The following KIF1A variants were observed in gnomAD, a reference collection of about 807,000 sequenced individuals.
KIF1A encodes kinesin family member 1A.
A neutral mutation model predicts 227.3 loss-of-function variants in KIF1A; 46 were observed. The ratio of observed to expected loss-of-function variants is 0.20; its 90% CI spans 0.16 to 0.26. KIF1A has a LOEUF of 0.26. KIF1A is among the 10% of genes least tolerant of loss of function. The pLI is 1.00. For missense variants in KIF1A, 1,683 were observed against 2,485.9 expected (o/e 0.68, Z 6.87); for synonymous variants, 1,022 against 1,012.8 (o/e 1.01, Z -0.17).
In KIF1A at chr2:240,740,452, C is replaced by G. The variant is rs1342755169; in HGVS notation, c.3750-88G>C. ...AGGACACAGTGGACGGGAGCAAAAA[C>G]AGGGAAAAGTCAGCAGCTCCCTCTG... On this transcript the variant is annotated intron_variant, in intron 35 of 48. Coordinates refer to ENST00000498729, the MANE Select transcript of KIF1A (RefSeq NM_001244008.2). The surrounding 1 kb of genome is among the most constrained non-coding windows in gnomAD (Gnocchi z 6.1). 8.9e-7 allele frequency: 1 copy of G among 1,122,334 alleles called. No individual in the cohort carries two copies. Among genetic ancestry groups the G allele is most frequent in the East Asian group, 2.4e-5 (1 of 42,108 alleles). 69.5% of individuals were successfully genotyped at this position (1,122,334 alleles called of 1,614,324 possible).
At chr2:240,742,886 G>C in intron 34 of KIF1A, 43 bp downstream of exon 34, 1 of 1,554,524 alleles carries the variant, frequency 6.4e-7, no homozygotes, top group Middle Eastern at 1.7e-4. Flanking sequence ...CCCACAGTGA[G>C]GGGAGCTCAC....
Position 240,771,100 on chromosome 2 carries a change from G to A in KIF1A, c.1212C>T (p.Thr404=). 1 of 1,613,534 alleles carries A rather than the reference G, an allele frequency of 6.2e-7. No individual in the cohort carries two copies. The change falls in exon 15 of 49, where the codon ACC becomes ACT. Residue 404 remains threonine (T), a synonymous_variant. Coordinates refer to ENST00000498729, the MANE Select transcript of KIF1A (RefSeq NM_001244008.2). ...AGGGGCTCATACCCACCAGGGCATT[G>A]GTCACTGTGGAGAGAGGGTCAGGGG... is the stretch of plus-strand genomic sequence containing the variant. ...TNTVPGGPKL[T]NALVGMSPSS...
At chr2:240,743,889 G>A (rs2048288357) in intron 33 of KIF1A, 53 bp downstream of exon 33, 1 of 1,192,988 alleles carries the variant, frequency 8.4e-7, no homozygotes, top group South Asian at 1.3e-5. Flanking sequence ...GAAAAGATCT[G>A]GGCAGGGGCT....
chr2:240,721,728 T>A (rs1049489913), intron 44 of KIF1A, 79 bp downstream of exon 44: 25 of 1,149,210 alleles, frequency 2.2e-5, no homozygotes, highest in East Asian at 1.7e-4. Flanking sequence ...CCACTTGGAA[T>A]GGGAGTTTTC....
At position 240,792,118 on chromosome 2, in the gene KIF1A, TCACACGACG is replaced by T. The variant is rs2055788502; in HGVS notation, c.107-2815_107-2807del. Reference sequence around the variant, plus strand: ...AGAGAGGGGAGGTCCTCTCCCCCGGTCACACGACGCACAGCCAGACTAGAAGCCAGGGTC... The same window carrying T: ...AGAGAGGGGAGGTCCTCTCCCCCGGTCACAGCCAGACTAGAAGCCAGGGTC... On this transcript the variant is annotated intron_variant, in intron 2 of 48. Coordinates refer to ENST00000498729, the MANE Select transcript of KIF1A (RefSeq NM_001244008.2). This position sits in a 1 kb window ranked among gnomAD's most constrained non-coding sequence, Gnocchi z 4.5. Among the ~76,000 whole-genome samples, 1 of 151,162 alleles carries T rather than the reference TCACACGACG, an allele frequency of 6.6e-6. No individual in the cohort carries two copies. Among genetic ancestry groups the T allele is most frequent in the Admixed American group, 6.6e-5 (1 of 15,238 alleles).
intron 1 of KIF1A, among the ~76,000 whole-genome samples, chr2:240,800,014 A>G (rs775200528): frequency 7.9e-5 from 12 of 152,066 alleles, no homozygotes; most frequent in Non-Finnish European, 1.6e-4. Flanking sequence ...GAGAGGAAAC[A>G]TCCCCTACCA....
At chr2:240,813,038 C>CGCCTTCACCTCGGGG (rs1575678399) in intron 1 of KIF1A, among the ~76,000 whole-genome samples, 1 of 151,446 alleles carries the variant, frequency 6.6e-6, no homozygotes, top group Non-Finnish European at 1.5e-5. Context: ...CTCAAGGATC[C>CGCCTTCACCTCGGGG]ACTTGCTCCC....
intron 32 of KIF1A, among the ~76,000 whole-genome samples, chr2:240,744,340 A>C (rs1476019844): frequency 6.6e-6 from 1 of 152,122 alleles, no homozygotes; most frequent in Admixed American, 6.5e-5. Flanking sequence ...CGGAGCTGGG[A>C]AAGGTGACAA....
Position 240,740,831 on chromosome 2 carries a change from G to C in KIF1A, c.3749+438C>G, listed in dbSNP as rs1404036627. Among the ~76,000 whole-genome samples the C allele has an allele frequency of 6.6e-6, 1 of 152,168 alleles. No individual in the cohort carries two copies. Among genetic ancestry groups the C allele is most frequent in the East Asian group, 1.9e-4 (1 of 5,160 alleles). ...GCTGCCAGCCACAGCCCAGCTCCCAGCTGCCCCCAGGGCACCAGGCAGACC... is the reference window on the plus strand; with the variant it reads ...GCTGCCAGCCACAGCCCAGCTCCCACCTGCCCCCAGGGCACCAGGCAGACC... On this transcript the variant is annotated intron_variant, in intron 35 of 48. Coordinates refer to ENST00000498729, the MANE Select transcript of KIF1A (RefSeq NM_001244008.2). This position sits in a 1 kb window ranked among gnomAD's most constrained non-coding sequence, Gnocchi z 6.1.
chr2:240,727,076 C>T (rs900087638), intron 38 of KIF1A, 136 bp from the exon 39 acceptor site: 2 of 564,034 alleles, frequency 3.5e-6, no homozygotes, highest in East Asian at 2.9e-5. Flanking sequence ...GCTGGAAGCC[C>T]GGGCGGCGGT....
At chr2:240,767,903 G>A (rs563147087) in intron 17 of KIF1A, among the ~76,000 whole-genome samples, 2 of 152,354 alleles carry the variant, frequency 1.3e-5, no homozygotes, top group African/African-American at 4.8e-5. Flanking sequence ...CAGTTGTGAA[G>A]GGATCCTTGA....
chr2:240,747,223 G>C lies in KIF1A; in HGVS notation c.3063+13C>G, dbSNP rs748337067. ...GCACCTCCAGGTCTGGGACTCGGGA[G>C]GGAGCTTGGTACCTTTTCAAAATGC... On this transcript the variant is annotated intron_variant, in intron 29 of 48. Transcript: ENST00000498729. 6.2e-7 allele frequency: 1 copy of C among 1,609,292 alleles called. No homozygotes were observed. The highest frequency in any genetic ancestry group is 1.1e-5 in the South Asian group (1 of 90,792).
At chr2:240,811,486 G>A (rs907507625) in intron 1 of KIF1A, among the ~76,000 whole-genome samples, 2 of 152,222 alleles carry the variant, frequency 1.3e-5, no homozygotes, top group African/African-American at 4.8e-5. Flanking sequence ...CGTGGCTGAT[G>A]GCAGAAGGCA....
intron 41 of KIF1A, among the ~76,000 whole-genome samples, 159 bp from the exon 42 acceptor site, chr2:240,723,717 G>T (rs952173126): frequency 6.6e-6 from 1 of 152,152 alleles, no homozygotes; most frequent in Non-Finnish European, 1.5e-5. Context: ...AGCCATGTAG[G>T]CCTCTTCCAT....
chr2:240,770,053 C>T (rs1212141861), intron 15 of KIF1A, among the ~76,000 whole-genome samples: 3 of 152,198 alleles, frequency 2.0e-5, no homozygotes, highest in Admixed American at 6.5e-5. Flanking sequence ...CACTGCCCAA[C>T]ATCAGCCTGG....
chr2:240,763,672 G>A (rs917687562), intron 20 of KIF1A, among the ~76,000 whole-genome samples: 7 of 152,146 alleles, frequency 4.6e-5, no homozygotes, highest in African/African-American at 1.7e-4. Flanking sequence ...TGCACACATG[G>A]GAGCCAGGAC....
At position 240,801,156 on chromosome 2, in the gene KIF1A, GA is replaced by G. The variant is rs199800959; in HGVS notation, c.-60-3345del. Among the ~76,000 whole-genome samples the G allele has an allele frequency of 1.8e-3, 276 of 149,512 alleles. 4 individuals are homozygous for G. The South Asian group carries it at 0.019, about 10-fold the overall frequency. ...GGAAAAATAAAATATAAACACATGAGAAAAAAAAAGACACATATCTAAACAT... is the reference window on the plus strand; with the variant it reads ...GGAAAAATAAAATATAAACACATGAGAAAAAAAAGACACATATCTAAACAT... On this transcript the variant is annotated intron_variant, in intron 1 of 48. Coordinates refer to ENST00000498729, the MANE Select transcript of KIF1A (RefSeq NM_001244008.2).
At position 240,758,615 on chromosome 2, in the gene KIF1A, C is replaced by G. The variant is rs1417931286; in HGVS notation, c.2445-118G>C. On this transcript the variant is annotated intron_variant, in intron 25 of 48. Transcript: ENST00000498729. This position sits in a 1 kb window ranked among gnomAD's most constrained non-coding sequence, Gnocchi z 5.2. Reference sequence around the variant, plus strand: ...CTAGCTCTGGCCACCACATCCAGCTCAGGGTCATCAAGGTCCAGGGGGCTT... The same window carrying G: ...CTAGCTCTGGCCACCACATCCAGCTGAGGGTCATCAAGGTCCAGGGGGCTT... 1 of 1,096,038 alleles carries G rather than the reference C, an allele frequency of 9.1e-7. No individual in the cohort carries two copies. Among genetic ancestry groups the G allele is most frequent in the Non-Finnish European group, 1.2e-6 (1 of 818,720 alleles). 67.9% of individuals were successfully genotyped at this position (1,096,038 alleles called of 1,614,324 possible).
At chr2:240,763,743 G>A (rs2050813435) in intron 20 of KIF1A, among the ~76,000 whole-genome samples, 1 of 152,214 alleles carries the variant, frequency 6.6e-6, no homozygotes, top group Admixed American at 6.5e-5. Flanking sequence ...GCCCTCCACA[G>A]AGCACTGCTG....
Sources: allele counts gnomAD v4.1 joint callset (sites outside exome capture counted in the v4.1 genomes callset), GRCh38; gene constraint gnomAD v4.1.1; non-coding constraint Gnocchi (gnomAD v3.1); transcripts MANE v1.5; gene names NCBI Gene and HGNC (gene_info 2026-07-23, HGNC 2026-07-21).